HUNK: variants seen among roughly 807,000 people sequenced by gnomAD.
HUNK encodes the protein hormonally up-regulated Neu-associated kinase, also known as hormonally up-regulated neu tumor-associated kinase.
In HUNK, 21 loss-of-function variants were observed where a neutral mutation model predicts 61.0. The observed-to-expected ratio is 0.34, with a 90% CI of 0.24 to 0.50. The LOEUF (loss-of-function observed/expected upper bound fraction) is 0.50, where lower values mean the gene tolerates loss of function less well. HUNK is among the 20% of genes least tolerant of loss of function. The probability of loss-of-function intolerance (pLI) is 0.98; values close to 1 mark genes in which losing one functional copy is unlikely to be tolerated. For missense variants in HUNK, 772 were observed against 945.7 expected, an observed-to-expected ratio of 0.82 and a Z score of 2.41; for synonymous variants, 371 against 386.1, an observed-to-expected ratio of 0.96 and a Z score of 0.46.
At chr21:31,916,022 A>G (rs1484814363) in intron 1 of HUNK, among the ~76,000 whole-genome samples, 1 of 150,180 alleles carries the variant, frequency 6.7e-6, no homozygotes, top group African/African-American at 2.5e-5. Flanking sequence ...CGTATGTGCC[A>G]GACATTGTAC....
chr21:31,945,885 C>G, intron 3 of HUNK, 151 bp from the exon 4 acceptor site: 1 of 750,926 alleles, frequency 1.3e-6, no homozygotes, highest in African/African-American at 1.7e-5. Flanking sequence ...TGGTTTGCAG[C>G]TGCTACAGTT....
At chr21:31,874,822 C>T (rs942155897) in intron 1 of HUNK, among the ~76,000 whole-genome samples, 2 of 152,144 alleles carry the variant, frequency 1.3e-5, no homozygotes, top group African/African-American at 4.8e-5. Context: ...ACCTCTCCAG[C>T]CTTGTTGGAA....
chr21:31,999,332 A>C lies in HUNK; in HGVS notation c.*148A>C. ...AATCCACAGACCCAAAGCCTGCACA[A>C]CCCAACCTCGCTTAGGGACCCCCAG... is the stretch of plus-strand genomic sequence containing the variant. On this transcript the variant is annotated 3_prime_UTR_variant, in exon 11 of 11. Coordinates refer to ENST00000270112, the MANE Select transcript of HUNK (RefSeq NM_014586.2). 1 of 719,264 alleles carries C rather than the reference A, an allele frequency of 1.4e-6. No homozygotes were observed. The highest frequency in any genetic ancestry group is 2.2e-6 in the Non-Finnish European group (1 of 445,562). 44.6% of individuals were successfully genotyped at this position (719,264 alleles called of 1,614,324 possible).
At chr21:31,913,281 C>T (rs1355296913) in intron 1 of HUNK, among the ~76,000 whole-genome samples, 1 of 151,814 alleles carries the variant, frequency 6.6e-6, no homozygotes, top group Admixed American at 6.6e-5. Flanking sequence ...TTGGGGTTGA[C>T]CTGGCCAAGA....
Position 31,873,678 on chromosome 21 carries a change from C to T in HUNK, c.4C>T (p.Pro2Ser). 1 of 1,014,936 alleles carries T rather than the reference C, an allele frequency of 9.9e-7. No homozygotes were observed. The highest frequency in any genetic ancestry group is 5.9e-5 in the Admixed American group (1 of 16,970). 62.9% of individuals were successfully genotyped at this position (1,014,936 alleles called of 1,614,324 possible). Residue 2 changes from proline (P) to serine (S), a missense_variant, in exon 1 of 11, where the codon CCG (proline) becomes TCG (serine). By Grantham distance (74) the Pro-to-Ser change is moderately conservative. This residue lies in a region of HUNK where 359 missense variants were observed against 501.3 expected (regional missense o/e 0.72). Transcript: ENST00000270112. The surrounding 1 kb of genome is among the most constrained non-coding windows in gnomAD (Gnocchi z 6.1). M[P>S]AAAGDGLLGE... Reference sequence around the variant, plus strand: ...CGCGCGGGCCGCGGCGAGCGCGATGCCGGCGGCGGCGGGGGACGGGCTCCT... The same window carrying T: ...CGCGCGGGCCGCGGCGAGCGCGATGTCGGCGGCGGCGGGGGACGGGCTCCT...
chr21:31,931,068 CAAAAAAA>C (rs10673838), intron 2 of HUNK, among the ~76,000 whole-genome samples: 7 of 75,160 alleles, frequency 9.3e-5, no homozygotes, highest in Admixed American at 3.1e-4. Context: ...AAGACCTAAC[CAAAAAAA>C]AAAAAAAAAA....
At chr21:31,901,554 G>C (rs972109947) in intron 1 of HUNK, among the ~76,000 whole-genome samples, 14 of 152,148 alleles carry the variant, frequency 9.2e-5, no homozygotes, top group Non-Finnish European at 1.9e-4. Flanking sequence ...CTCAGAGGGA[G>C]CTTTGAAGTC....
intron 1 of HUNK, among the ~76,000 whole-genome samples, chr21:31,882,947 A>C (rs1163128271): frequency 6.6e-6 from 1 of 152,156 alleles, no homozygotes; most frequent in Non-Finnish European, 1.5e-5. Context: ...TAGTTATTGC[A>C]TAGTAGTCAT....
In HUNK at chr21:31,967,443, G is replaced by A. The variant is rs183677651; in HGVS notation, c.875-807G>A. Among the ~76,000 whole-genome samples, 80 of 152,238 alleles carry A rather than the reference G, an allele frequency of 5.3e-4. 1 individual carries two copies. The highest frequency in any genetic ancestry group is 9.4e-4 in the Non-Finnish European group (64 of 68,016). On this transcript the variant is annotated intron_variant, in intron 5 of 10. Coordinates refer to ENST00000270112, the MANE Select transcript of HUNK (RefSeq NM_014586.2). Reference sequence around the variant, plus strand: ...TTTTACCTCTCATACAGTTGTTTCCGTTGTTATAATCTTAAAGGATGCAAA... The same window carrying A: ...TTTTACCTCTCATACAGTTGTTTCCATTGTTATAATCTTAAAGGATGCAAA...
At chr21:31,928,688 C>T (rs925438704) in intron 2 of HUNK, among the ~76,000 whole-genome samples, 4 of 152,158 alleles carry the variant, frequency 2.6e-5, no homozygotes, top group African/African-American at 9.7e-5. Flanking sequence ...TGAGACCTCA[C>T]ATTAAAATGC....
At chr21:31,921,678 G>A (rs1239289992) in intron 1 of HUNK, among the ~76,000 whole-genome samples, 1 of 152,192 alleles carries the variant, frequency 6.6e-6, no homozygotes, top group African/African-American at 2.4e-5. Flanking sequence ...ATGAATTCAA[G>A]AGGCCAGGAG....
intron 3 of HUNK, among the ~76,000 whole-genome samples, chr21:31,942,443 G>T (rs1436488817): frequency 6.6e-6 from 1 of 152,172 alleles, no homozygotes; most frequent in African/African-American, 2.4e-5. Flanking sequence ...CGTTTGCTCA[G>T]GGGATTCTAG....
intron 1 of HUNK, among the ~76,000 whole-genome samples, chr21:31,893,097 A>G (rs1490790156): frequency 2.0e-5 from 3 of 152,184 alleles, no homozygotes; most frequent in African/African-American, 7.2e-5. Context: ...GAGTAGCAGG[A>G]GGAAAACCAC....
chr21:31,908,088 G>T (rs529745013), intron 1 of HUNK, among the ~76,000 whole-genome samples: 22 of 152,146 alleles, frequency 1.4e-4, no homozygotes, highest in African/African-American at 4.3e-4. Flanking sequence ...TAAGGAGTAT[G>T]TGTCTCACTA....
chr21:31,915,013 A>T (rs948149864), intron 1 of HUNK, among the ~76,000 whole-genome samples: 1 of 151,368 alleles, frequency 6.6e-6, no homozygotes, highest in East Asian at 2.0e-4. Context: ...CAGGTTAATT[A>T]TCTCTTATCT....
At chr21:31,972,984 C>T (rs1472336831) in intron 6 of HUNK, among the ~76,000 whole-genome samples, 1 of 151,974 alleles carries the variant, frequency 6.6e-6, no homozygotes, top group Admixed American at 6.6e-5. Context: ...GCAAAGTCTC[C>T]TCTTCTTTAC....
At chr21:31,925,956 T>C (rs923832425) in intron 2 of HUNK, among the ~76,000 whole-genome samples, 1 of 152,064 alleles carries the variant, frequency 6.6e-6, no homozygotes, top group Non-Finnish European at 1.5e-5. Flanking sequence ...GAGTCTCGCT[T>C]TGTCGCCCAG....
At chr21:31,919,553 T>C (rs1171618536) in intron 1 of HUNK, among the ~76,000 whole-genome samples, 1 of 152,226 alleles carries the variant, frequency 6.6e-6, no homozygotes, top group Non-Finnish European at 1.5e-5. Flanking sequence ...GGCTGTCCTT[T>C]CTGTTCAGAG....
chr21:31,949,127 A>G (rs2833571), intron 4 of HUNK, among the ~76,000 whole-genome samples: 56,456 of 152,162 alleles, frequency 0.37, 11,789 homozygotes, highest in African/African-American at 0.57. Flanking sequence ...TAGTGGAGCC[A>G]CACTTTGCTG....
Sources: gnomAD v4.1 joint callset for allele counts (sites outside exome capture counted in the v4.1 genomes callset) on GRCh38, gnomAD v4.1.1 for gene constraint, gnomAD v4.1.1 regional missense constraint, Gnocchi (gnomAD v3.1) non-coding constraint, MANE v1.5 for transcripts, NCBI Gene and HGNC (gene_info 2026-07-23, HGNC 2026-07-21) for gene names.